Variants in ASTN2 observed in about 807,000 individuals in gnomAD.
ASTN2 encodes the protein astrotactin 2.
A neutral mutation model predicts 139.8 loss-of-function variants in ASTN2; 54 were observed. That is an observed-to-expected ratio of 0.39 (90% CI 0.31 to 0.48). The LOEUF (loss-of-function observed/expected upper bound fraction) is 0.48, where lower values mean the gene tolerates loss of function less well. Ranked by LOEUF, ASTN2 falls within the 20% of genes least tolerant of loss-of-function variation. ASTN2 has a pLI of 0.95. For missense variants in ASTN2, 1,565 were observed against 1,725.1 expected, an observed-to-expected ratio of 0.91 and a Z score of 1.64; for synonymous variants, 756 against 719.5, an observed-to-expected ratio of 1.05 and a Z score of -0.81.
At chr9:117,034,096 C>G (rs1334691976) in intron 6 of ASTN2, among the ~76,000 whole-genome samples, 3 of 152,084 alleles carry the variant, frequency 2.0e-5, no homozygotes, top group Non-Finnish European at 4.4e-5. Context: ...TGGAACAAAA[C>G]AGGGAATTCT....
Position 116,735,469 on chromosome 9 carries a change from A to G in ASTN2, c.2397-1946T>C, listed in dbSNP as rs1828902732. Reference sequence around the variant, plus strand: ...ATTTTTCCCTGAAAGATGTAGCAGGATGGAGGGGTAGTCCATGCCCTAGTC... The same window carrying G: ...ATTTTTCCCTGAAAGATGTAGCAGGGTGGAGGGGTAGTCCATGCCCTAGTC... On this transcript the variant is annotated intron_variant, in intron 13 of 22. Coordinates refer to ENST00000313400, the MANE Select transcript of ASTN2 (RefSeq NM_001365068.1). Among the ~76,000 whole-genome samples, 4 of 152,164 alleles carry G rather than the reference A, an allele frequency of 2.6e-5. No homozygotes were observed. The South Asian group carries it at 8.3e-4, about 32-fold the overall frequency.
chr9:117,029,468 G>A (rs922923668), intron 6 of ASTN2, among the ~76,000 whole-genome samples: 1 of 152,030 alleles, frequency 6.6e-6, no homozygotes, highest in African/African-American at 2.4e-5. Context: ...TCTCCAGCTT[G>A]GGATACTTGT....
rs112415121 is a variant in ASTN2, at chr9:117,101,772, C to T, written c.1169-5621G>A. Among the ~76,000 whole-genome samples the T allele has an allele frequency of 2.6e-3, 403 of 152,248 alleles. 4 individuals carry two copies. Among genetic ancestry groups the T allele is most frequent in the African/African-American group, 9.2e-3 (383 of 41,548 alleles). ...ATGTCTGATTCAAAAATGCTCTGTT[C>T]TCATAAAAACATGCTTACTGTCATT... On this transcript the variant is annotated intron_variant, in intron 4 of 22. Transcript: ENST00000313400.
intron 20 of ASTN2, among the ~76,000 whole-genome samples, chr9:116,471,430 G>A (rs1179039897): frequency 1.3e-5 from 2 of 152,170 alleles, no homozygotes; most frequent in African/African-American, 4.8e-5. Context: ...TGAAAACAGG[G>A]CCTCTCCCTC....
chr9:116,472,428 T>C (rs1848840626), intron 20 of ASTN2, among the ~76,000 whole-genome samples: 2 of 152,204 alleles, frequency 1.3e-5, no homozygotes, highest in Admixed American at 1.3e-4. Context: ...CATGCCTTTA[T>C]TATGGGGCAA....
chr9:117,410,512 T>C (rs1831130673), intron 1 of ASTN2, among the ~76,000 whole-genome samples: 1 of 152,224 alleles, frequency 6.6e-6, no homozygotes, highest in Admixed American at 6.5e-5. Context: ...AGGATTATTT[T>C]AGAGCTCATC....
At chr9:117,220,149 C>T (rs1832466916) in intron 2 of ASTN2, among the ~76,000 whole-genome samples, 1 of 152,178 alleles carries the variant, frequency 6.6e-6, no homozygotes, top group Non-Finnish European at 1.5e-5. Context: ...TTCAGCTTCC[C>T]TATTTGTCTA....
chr9:116,530,963 T>G (rs2119287656), intron 19 of ASTN2, among the ~76,000 whole-genome samples: 1 of 152,324 alleles, frequency 6.6e-6, no homozygotes, highest in South Asian at 2.1e-4. Flanking sequence ...ACATATTTAT[T>G]AAATAAATGA....
chr9:116,716,097 C>T (rs1828306424), intron 16 of ASTN2, among the ~76,000 whole-genome samples: 2 of 152,278 alleles, frequency 1.3e-5, no homozygotes, highest in South Asian at 4.1e-4. Flanking sequence ...AGAAAAGGGT[C>T]CTATCTAACA....
At chr9:117,049,767 T>C (rs544963963) in intron 5 of ASTN2, among the ~76,000 whole-genome samples, 1 of 152,122 alleles carries the variant, frequency 6.6e-6, no homozygotes, top group Non-Finnish European at 1.5e-5. Flanking sequence ...AGAGAATACA[T>C]GCAAGAATGA....
chr9:117,237,360 CT>C (rs1156427221), intron 2 of ASTN2, among the ~76,000 whole-genome samples: 1 of 152,232 alleles, frequency 6.6e-6, no homozygotes. Flanking sequence ...CCTTTGGGAC[CT>C]CCCCATGGTG....
rs1856833378 is a variant in ASTN2, at chr9:116,632,252, G to GAAAGAAGGAAA, written c.3073-11810_3073-11809insTTTCCTTCTTT. The stretch of plus-strand genomic sequence containing the variant: ...AAGAAAGAAAGAAAGAAAGAAAGAA[G>GAAAGAAGGAAA]GAAAGAAAGAAAGAAAGAAAGAAAG... On this transcript the variant is annotated intron_variant, in intron 17 of 22. Coordinates refer to ENST00000313400, the MANE Select transcript of ASTN2 (RefSeq NM_001365068.1). Among the ~76,000 whole-genome samples the GAAAGAAGGAAA allele has an allele frequency of 5.9e-4, 42 of 70,852 alleles. No homozygotes were observed. In the East Asian group the frequency reaches 5.9e-3, roughly 10 times the overall value. The allele number at this position is 70,852 out of a possible 152,430, so 46.5% of individuals were successfully genotyped here. A position where few individuals can be genotyped will look rare whatever the true frequency, so the allele number is the denominator to read the frequency against.
chr9:116,987,651 A>T (rs1435237553), intron 7 of ASTN2, among the ~76,000 whole-genome samples: 4 of 152,238 alleles, frequency 2.6e-5, no homozygotes. Context: ...AGAACAGATT[A>T]ATGAACCCAT....
intron 11 of ASTN2, among the ~76,000 whole-genome samples, chr9:116,827,876 C>T (rs1290630666): frequency 6.6e-6 from 1 of 152,154 alleles, no homozygotes; most frequent in Non-Finnish European, 1.5e-5. Context: ...GAAATTCTTT[C>T]TAACTCATTC....
chr9:116,684,737 C>G (rs1474445581), intron 16 of ASTN2, among the ~76,000 whole-genome samples: 1 of 152,152 alleles, frequency 6.6e-6, no homozygotes, highest in Non-Finnish European at 1.5e-5. Flanking sequence ...GAACCCAGAG[C>G]AATCGACAGC....
intron 7 of ASTN2, among the ~76,000 whole-genome samples, chr9:116,986,953 A>G (rs1386712796): frequency 6.6e-6 from 1 of 152,210 alleles, no homozygotes; most frequent in Non-Finnish European, 1.5e-5. Context: ...AGGCACAGCC[A>G]GAAGGCTTAA....
intron 5 of ASTN2, among the ~76,000 whole-genome samples, chr9:117,071,198 G>T (rs1217724618): frequency 6.6e-6 from 1 of 151,674 alleles, no homozygotes; most frequent in African/African-American, 2.4e-5. Context: ...TGGTGTGGAT[G>T]TCCTTTCTGT....
chr9:117,414,878 T>G lies in ASTN2; in HGVS notation c.61A>C (p.Arg21=). The change falls in exon 1 of 23, where the codon AGG becomes CGG. Residue 21 remains arginine (R), a synonymous_variant. Coordinates refer to ENST00000313400, the MANE Select transcript of ASTN2 (RefSeq NM_001365068.1). The surrounding 1 kb of genome is among the most constrained non-coding windows in gnomAD (Gnocchi z 4.2). ...GPGSGLRGRP[R]LCFHPGPPPL... ...GGCGGCCCCGGGTGGAAGCAGAGCC[T>G]CGGCCGCCCCCGGAGCCCCGAGCCG... 1.1e-6 allele frequency: 1 copy of G among 926,186 alleles called. No homozygotes were observed. The highest frequency in any genetic ancestry group is 1.4e-6 in the Non-Finnish European group (1 of 740,346). 57.4% of individuals were successfully genotyped at this position (926,186 alleles called of 1,614,324 possible).
intron 5 of ASTN2, among the ~76,000 whole-genome samples, chr9:117,060,538 GAAA>G (rs1564406872): frequency 4.8e-5 from 6 of 125,394 alleles, no homozygotes; most frequent in Middle Eastern, 4.2e-3. Context: ...AGGAAGGAAA[GAAA>G]GAAAGAAAGA....
Sources: gnomAD v4.1 joint callset for allele counts (sites outside exome capture counted in the v4.1 genomes callset) on GRCh38, gnomAD v4.1.1 for gene constraint, Gnocchi (gnomAD v3.1) non-coding constraint, MANE v1.5 for transcripts, NCBI Gene and HGNC (gene_info 2026-07-23, HGNC 2026-07-21) for gene names.